ARMH4: variants seen among roughly 807,000 people sequenced by gnomAD.
ARMH4 encodes the protein armadillo like helical domain containing 4.
In ARMH4, 49 loss-of-function variants were observed where a neutral mutation model predicts 61.9. That is an observed-to-expected ratio of 0.79 (90% confidence interval 0.63 to 1.00). The LOEUF (loss-of-function observed/expected upper bound fraction) is 1.00, where lower values mean the gene tolerates loss of function less well. Among genes scored for constraint, ARMH4 ranks in the 50% least tolerant of loss-of-function variants. The pLI is 0.00. For missense variants in ARMH4, 934 were observed against 930.0 expected, an observed-to-expected ratio of 1.00 and a Z score of -0.06; for synonymous variants, 368 against 341.5, an observed-to-expected ratio of 1.08 and a Z score of -0.85.
intron 1 of ARMH4, among the ~76,000 whole-genome samples, chr14:58,140,051 C>T (rs997980697): frequency 1.3e-5 from 2 of 151,574 alleles, no homozygotes; most frequent in African/African-American, 4.9e-5. Context: ...GGTGGATCAC[C>T]TGAGGTCAGG....
chr14:58,028,721 A>G (rs906375278), intron 5 of ARMH4, among the ~76,000 whole-genome samples: 12 of 152,174 alleles, frequency 7.9e-5, no homozygotes, highest in African/African-American at 2.7e-4. Context: ...TCAGGCTTCA[A>G]GTTGCCTCCA....
intron 4 of ARMH4, among the ~76,000 whole-genome samples, chr14:58,130,065 T>C (rs1223215481): frequency 1.3e-5 from 2 of 152,198 alleles, no homozygotes; most frequent in African/African-American, 4.8e-5. Context: ...TATTCACAAA[T>C]ATTTTTTTTC....
chr14:58,105,151 G>C (rs1886129498), intron 4 of ARMH4, among the ~76,000 whole-genome samples: 1 of 152,124 alleles, frequency 6.6e-6, no homozygotes, highest in South Asian at 2.1e-4. Context: ...ATAAAACTAT[G>C]CCAAAAATAA....
chr14:58,040,741 C>T (rs1420877752), intron 5 of ARMH4, among the ~76,000 whole-genome samples: 3 of 152,134 alleles, frequency 2.0e-5, no homozygotes, highest in African/African-American at 7.2e-5. Flanking sequence ...TATTTTCCCA[C>T]CAAGATTTTG....
chr14:58,018,563 TACA>T (rs1336072709), intron 5 of ARMH4, among the ~76,000 whole-genome samples: 1 of 151,956 alleles, frequency 6.6e-6, no homozygotes, highest in African/African-American at 2.4e-5. Flanking sequence ...AAATTAAATG[TACA>T]ACGAGATATG....
At position 58,096,973 on chromosome 14, in the gene ARMH4, C is replaced by T; in HGVS notation, c.1840G>A (p.Glu614Lys). 6.2e-7 allele frequency: 1 copy of T among 1,613,508 alleles called. No homozygotes were observed. The highest frequency in any genetic ancestry group is 8.5e-7 in the Non-Finnish European group (1 of 1,179,534). The change falls in exon 5 of 8, where the codon GAA becomes AAA. Residue 614 changes from glutamate to lysine, a missense_variant. Physicochemically the swap from Glu to Lys is moderately conservative, Grantham distance 56 (BLOSUM62 1). Transcript: ENST00000267485. ...TCTTCATCCTCTTCATCCTCATCTT[C>T]TTGTCCCTCTAGGCAAAAAGAAATC... ...LDQLESEEGQEDEDEEDEEDE... is the reference protein window; with the variant it reads ...LDQLESEEGQKDEDEEDEEDE...
chr14:58,056,926 C>T (rs1334655867), intron 5 of ARMH4, among the ~76,000 whole-genome samples: 2 of 152,090 alleles, frequency 1.3e-5, no homozygotes, highest in Non-Finnish European at 2.9e-5. Flanking sequence ...AACTCAGGGC[C>T]CACACCTGAA....
At chr14:58,024,219 A>G (rs1882945528) in intron 5 of ARMH4, among the ~76,000 whole-genome samples, 1 of 152,222 alleles carries the variant, frequency 6.6e-6, no homozygotes, top group African/African-American at 2.4e-5. Flanking sequence ...TTCATCTGCA[A>G]TGAAAACCTG....
chr14:58,085,137 G>C (rs1885339504), intron 5 of ARMH4, among the ~76,000 whole-genome samples: 1 of 152,034 alleles, frequency 6.6e-6, no homozygotes, highest in South Asian at 2.1e-4. Flanking sequence ...TTAATAGAGT[G>C]GACCAAGAGC....
At chr14:58,137,805 T>C (rs1025456647) in intron 2 of ARMH4, among the ~76,000 whole-genome samples, 185 bp downstream of exon 2, 4 of 152,166 alleles carry the variant, frequency 2.6e-5, no homozygotes, top group Non-Finnish European at 5.9e-5. Flanking sequence ...CAAGCTGGTC[T>C]CGAACTCCTG....
intron 1 of ARMH4, among the ~76,000 whole-genome samples, chr14:58,148,987 G>C (rs1013246703): frequency 4.6e-5 from 7 of 152,088 alleles, no homozygotes; most frequent in Admixed American, 3.9e-4. Flanking sequence ...TCTGATGAGG[G>C]GGATAGTGTC....
intron 5 of ARMH4, among the ~76,000 whole-genome samples, chr14:58,046,839 A>G (rs1443130440): frequency 6.6e-6 from 1 of 152,242 alleles, no homozygotes; most frequent in African/African-American, 2.4e-5. Flanking sequence ...TATTTTTATT[A>G]TAATGTTACT....
intron 6 of ARMH4, among the ~76,000 whole-genome samples, chr14:58,005,463 C>T (rs1882132398): frequency 6.6e-6 from 1 of 152,148 alleles, no homozygotes; most frequent in Non-Finnish European, 1.5e-5. Context: ...CATTTGTCAA[C>T]CTCAGGTTCT....
chr14:58,112,137 C>T (rs1425012450), intron 4 of ARMH4, among the ~76,000 whole-genome samples: 3 of 152,158 alleles, frequency 2.0e-5, no homozygotes, highest in South Asian at 2.1e-4. Context: ...AAATTTTCTA[C>T]GGACACAATT....
intron 4 of ARMH4, among the ~76,000 whole-genome samples, chr14:58,105,668 C>T (rs1358275842): frequency 7.1e-6 from 1 of 141,246 alleles, no homozygotes; most frequent in Admixed American, 7.4e-5. Flanking sequence ...GCCTGGGCAA[C>T]AGAGTAAGAC....
chr14:58,100,730 C>T (rs1594756839), intron 4 of ARMH4, among the ~76,000 whole-genome samples: 2 of 152,266 alleles, frequency 1.3e-5, no homozygotes, highest in South Asian at 2.1e-4. Flanking sequence ...AAAGGAGTGG[C>T]ACCCCTTCCT....
chr14:58,004,985 G>C, intron 7 of ARMH4, 63 bp downstream of exon 7: 1 of 1,606,636 alleles, frequency 6.2e-7, no homozygotes, highest in Non-Finnish European at 8.5e-7. Flanking sequence ...GCTTTATTAA[G>C]TAAATTAGAT....
chr14:58,051,244 C>T (rs757824402), intron 5 of ARMH4, among the ~76,000 whole-genome samples: 5 of 151,984 alleles, frequency 3.3e-5, no homozygotes, highest in Non-Finnish European at 7.4e-5. Context: ...TGAAATTAAC[C>T]ACATCAATTT....
At chr14:58,054,847 G>C (rs1884274445) in intron 5 of ARMH4, among the ~76,000 whole-genome samples, 2 of 147,100 alleles carry the variant, frequency 1.4e-5, no homozygotes, top group Non-Finnish European at 1.5e-5. Context: ...ACTCCAGTGT[G>C]TGCAAGAGAA....
Sources: allele counts gnomAD v4.1 joint callset (sites outside exome capture counted in the v4.1 genomes callset), GRCh38; gene constraint gnomAD v4.1.1; transcripts MANE v1.5; gene names NCBI Gene and HGNC (gene_info 2026-07-23, HGNC 2026-07-21).